Variants in SMG6 observed in about 807,000 individuals in gnomAD.
SMG6 encodes telomerase-binding protein EST1A.
In SMG6, 66 loss-of-function variants were observed where a neutral mutation model predicts 142.2. The observed-to-expected ratio is 0.46, with a 90% CI of 0.38 to 0.57. SMG6 has a LOEUF of 0.57. Ranked by LOEUF, SMG6 falls within the 20% of genes least tolerant of loss-of-function variation. The pLI, the probability that SMG6 is intolerant of heterozygous loss-of-function variation, is 0.00. For synonymous variants in SMG6, 779 were observed against 702.4 expected (o/e 1.11, Z -1.72); for missense variants, 1,793 against 1,832.0 (o/e 0.98, Z 0.39).
chr17:2,079,728 G>C lies in SMG6; in HGVS notation c.3681+2082C>G, dbSNP rs561552047. On this transcript the variant is annotated intron_variant, in intron 15 of 18. Coordinates refer to ENST00000263073, the MANE Select transcript of SMG6 (RefSeq NM_017575.5). ...CAGCCACATGACAATGGATGATGCT[G>C]GTAGAGGTATTACACACTGATTCCA... Among the ~76,000 whole-genome samples the C allele has an allele frequency of 1.6e-4, 24 of 152,306 alleles. No homozygotes were observed. The South Asian group carries it at 4.8e-3, about 30-fold the overall frequency.
At chr17:2,206,593 A>C (rs2072689074) in intron 10 of SMG6, among the ~76,000 whole-genome samples, 1 of 151,326 alleles carries the variant, frequency 6.6e-6, no homozygotes, top group South Asian at 2.1e-4. Flanking sequence ...AAAAATAATA[A>C]AATTTGGCGG....
chr17:2,199,430 C>T (rs1413165576), intron 10 of SMG6, among the ~76,000 whole-genome samples: 14 of 151,634 alleles, frequency 9.2e-5, no homozygotes, highest in African/African-American at 1.2e-4. Context: ...CCCAGGAATT[C>T]GAGACCAGCC....
chr17:2,092,058 T>C (rs2068741401), intron 13 of SMG6, among the ~76,000 whole-genome samples: 1 of 151,492 alleles, frequency 6.6e-6, no homozygotes. Flanking sequence ...TGATCTCAGC[T>C]CACTGCAACC....
intron 13 of SMG6, among the ~76,000 whole-genome samples, chr17:2,170,586 A>G (rs1161971143): frequency 6.6e-6 from 1 of 152,206 alleles, no homozygotes; most frequent in Non-Finnish European, 1.5e-5. Flanking sequence ...ACAAATCCCC[A>G]TTATTTTCCC....
chr17:2,303,096 G>A, intron 1 of SMG6: 1 of 985,438 alleles, frequency 1.0e-6, no homozygotes, highest in South Asian at 4.7e-5. Flanking sequence ...ACATGCCAGG[G>A]CCAAACCCGA....
chr17:2,227,553 A>G (rs922971603), intron 10 of SMG6, among the ~76,000 whole-genome samples: 2 of 152,220 alleles, frequency 1.3e-5, no homozygotes, highest in African/African-American at 4.8e-5. Context: ...CAGAAAGCAG[A>G]TAAGCAGTCG....
At chr17:2,168,204 T>C (rs2071399717) in intron 13 of SMG6, among the ~76,000 whole-genome samples, 1 of 151,898 alleles carries the variant, frequency 6.6e-6, no homozygotes, top group South Asian at 2.1e-4. Flanking sequence ...TTTATTTATT[T>C]ATTTTTTGAG....
intron 13 of SMG6, among the ~76,000 whole-genome samples, chr17:2,170,679 G>A (rs1310981583): frequency 1.3e-5 from 2 of 152,200 alleles, no homozygotes; most frequent in African/African-American, 4.8e-5. Context: ...GGAAAGAAGG[G>A]TTCTCTGATT....
intron 10 of SMG6, among the ~76,000 whole-genome samples, chr17:2,207,622 T>C (rs547643212): frequency 4.6e-5 from 7 of 152,222 alleles, no homozygotes; most frequent in African/African-American, 1.7e-4. Flanking sequence ...TAATTAAATA[T>C]ATACATATAT....
chr17:2,195,094 C>T (rs1350576606), intron 10 of SMG6, among the ~76,000 whole-genome samples: 2 of 152,162 alleles, frequency 1.3e-5, no homozygotes, highest in African/African-American at 4.8e-5. Context: ...ATTAGATATT[C>T]GGCACTTCAT....
intron 10 of SMG6, 84 bp downstream of exon 10, chr17:2,236,408 A>C: frequency 7.2e-7 from 1 of 1,395,778 alleles, no homozygotes; most frequent in Non-Finnish European, 9.9e-7. Flanking sequence ...GGAGGTAGGT[A>C]TGGTAGGTAT....
At chr17:2,121,632 T>TA (rs1567614285) in intron 13 of SMG6, among the ~76,000 whole-genome samples, 1 of 68,818 alleles carries the variant, frequency 1.5e-5, no homozygotes, top group Non-Finnish European at 2.9e-5. Context: ...TGTGTGTGTG[T>TA]GTGTGTGTGT....
At chr17:2,270,515 G>C (rs892022606) in intron 8 of SMG6, among the ~76,000 whole-genome samples, 1 of 152,180 alleles carries the variant, frequency 6.6e-6, no homozygotes, top group African/African-American at 2.4e-5. Flanking sequence ...GGCTGAGGCA[G>C]GAAGACCACT....
intron 8 of SMG6, among the ~76,000 whole-genome samples, chr17:2,274,276 T>C (rs2074601502): frequency 6.6e-6 from 1 of 152,130 alleles, no homozygotes; most frequent in Non-Finnish European, 1.5e-5. Flanking sequence ...AAAGTAACAA[T>C]AGTGTATTCA....
intron 4 of SMG6, among the ~76,000 whole-genome samples, 167 bp downstream of exon 4, chr17:2,297,076 A>G (rs751342038): frequency 6.6e-6 from 1 of 152,006 alleles, no homozygotes; most frequent in Non-Finnish European, 1.5e-5. Flanking sequence ...TACCACTACC[A>G]TAGTACATAT....
intron 13 of SMG6, among the ~76,000 whole-genome samples, chr17:2,106,433 T>C (rs983381296): frequency 3.0e-4 from 45 of 152,154 alleles, no homozygotes; most frequent in African/African-American, 1.0e-3. Flanking sequence ...AAGAGAGTCC[T>C]ATAGCAGCAA....
chr17:2,167,357 G>A (rs1286814719), intron 13 of SMG6, among the ~76,000 whole-genome samples: 2 of 152,076 alleles, frequency 1.3e-5, no homozygotes, highest in South Asian at 2.1e-4. Context: ...ACAGATTAAA[G>A]TGATGACAGA....
At chr17:2,170,278 C>T (rs1017553757) in intron 13 of SMG6, among the ~76,000 whole-genome samples, 4 of 152,152 alleles carry the variant, frequency 2.6e-5, no homozygotes, top group African/African-American at 4.8e-5. Context: ...TCTGTGTTCT[C>T]CTCGAGCCAA....
chr17:2,186,875 C>T (rs757583123), intron 11 of SMG6, 44 bp from the exon 12 acceptor site: 13 of 1,596,750 alleles, frequency 8.1e-6, no homozygotes, highest in African/African-American at 1.3e-5. Context: ...TCTGCTGTAG[C>T]CCCCGAGTGA....
Sources: allele counts gnomAD v4.1 joint callset (sites outside exome capture counted in the v4.1 genomes callset), GRCh38; gene constraint gnomAD v4.1.1; transcripts MANE v1.5; gene names NCBI Gene and HGNC (gene_info 2026-07-23, HGNC 2026-07-21).